Variants in GIT2 observed in about 807,000 individuals in gnomAD.
GIT2 encodes the protein GIT ArfGAP 2, also known as ARF GTPase-activating protein GIT2.
In GIT2, 32 loss-of-function variants were observed where a neutral mutation model predicts 100.3. That is an observed-to-expected ratio of 0.32 (90% CI 0.24 to 0.43). The LOEUF is 0.43. GIT2 is among the 20% of genes least tolerant of loss of function. The pLI is 1.00. For missense variants in GIT2, 737 were observed against 975.1 expected (o/e 0.76, Z 3.25); for synonymous variants, 353 against 364.1 (o/e 0.97, Z 0.35).
intron 7 of GIT2, among the ~76,000 whole-genome samples, chr12:109,972,060 T>C (rs1008125396): frequency 6.6e-6 from 1 of 152,120 alleles, no homozygotes; most frequent in Non-Finnish European, 1.5e-5. Flanking sequence ...ATTCTTGCAA[T>C]CTTGTTTAAC....
At position 109,953,091 on chromosome 12, in the gene GIT2, CCTT is replaced by C; in HGVS notation, c.1240_1242del (p.Lys414del). ...CTTCCATGGGACGCATGGCCTCTCA[CCTT>C]CTGCCGGTTTGTTTTGCTTGCAGTG... On this transcript the variant is annotated inframe_deletion and splice_region_variant, in exon 13 of 20. Coordinates refer to ENST00000355312, the MANE Select transcript of GIT2 (RefSeq NM_057169.5). 1 of 1,614,136 alleles carries C rather than the reference CCTT, an allele frequency of 6.2e-7. No homozygotes were observed. Among genetic ancestry groups the C allele is most frequent in the Non-Finnish European group, 8.5e-7 (1 of 1,180,018 alleles).
At chr12:109,963,938 T>C (rs557195391) in intron 9 of GIT2, among the ~76,000 whole-genome samples, 5 of 152,312 alleles carry the variant, frequency 3.3e-5, no homozygotes, top group Admixed American at 1.3e-4. Flanking sequence ...CTGAGATATG[T>C]ACTGACCAGT....
intron 6 of GIT2, chr12:109,982,593 G>A (rs1454286717): frequency 1.3e-5 from 2 of 151,124 alleles, no homozygotes; most frequent in South Asian, 2.1e-4. Flanking sequence ...TATTTTTCAA[G>A]GACTTTATTA....
At chr12:109,961,771 T>C (rs1565971863) in intron 9 of GIT2, 86 bp from the exon 10 acceptor site, 3 of 802,458 alleles carry the variant, frequency 3.7e-6, no homozygotes, top group Non-Finnish European at 6.6e-6. Flanking sequence ...CACCCTTTTA[T>C]TGCCTACGTC....
chr12:109,996,931 G>C (rs959589007), upstream of GIT2, among the ~76,000 whole-genome samples: 1 of 151,966 alleles, frequency 6.6e-6, no homozygotes, highest in Non-Finnish European at 1.5e-5. Flanking sequence ...ACAAAAATTG[G>C]CCGGGCGCGG....
intron 14 of GIT2, chr12:109,950,915 C>G (rs1360636311): frequency 2.2e-6 from 1 of 452,052 alleles, no homozygotes; most frequent in Non-Finnish European, 4.1e-6. Context: ...CAGAATAGTC[C>G]AAGGGTTATT....
chr12:109,981,122 C>G, intron 6 of GIT2, 76 bp from the exon 7 acceptor site: 2 of 895,108 alleles, frequency 2.2e-6, no homozygotes, highest in Non-Finnish European at 3.8e-6. Context: ...AAGACGTCTC[C>G]TGAGACACCT....
chr12:109,939,727 A>AAATAAATC (rs1191311766), intron 16 of GIT2: 23 of 145,166 alleles, frequency 1.6e-4, no homozygotes, highest in South Asian at 6.4e-4. Context: ...ATAAATAAAT[A>AAATAAATC]AATCAGCCAG....
In GIT2 at chr12:109,939,223, T is replaced by G; in HGVS notation, c.1756A>C (p.Ser586Arg). Reference sequence around the variant, plus strand: ...TTGTCGTAGTCACTCTCAGGTGTGCTGTTCTGCTTCTCCAGCCTGGATGCC... The same window carrying G: ...TTGTCGTAGTCACTCTCAGGTGTGCGGTTCTGCTTCTCCAGCCTGGATGCC... ...RRASRLEKQN[S>R]TPESDYDNTP... Residue 586 changes from serine to arginine, a missense_variant, in exon 17 of 20, where the codon AGC becomes CGC. By Grantham distance (110) the Ser-to-Arg change is moderately radical (BLOSUM62 -1). Around this residue, in one of 3 missense-constraint regions of GIT2, gnomAD observed 451 missense variants for 543.7 expected, o/e 0.83. Transcript: ENST00000355312. 6.2e-7 allele frequency: 1 copy of G among 1,609,204 alleles called. No homozygotes were observed.
intron 14 of GIT2, among the ~76,000 whole-genome samples, chr12:109,949,405 C>T (rs573966623): frequency 1.3e-5 from 2 of 152,336 alleles, no homozygotes; most frequent in South Asian, 4.1e-4. Flanking sequence ...TATCCTAACA[C>T]TTTTCATGCC....
At chr12:109,953,307 T>C in intron 12 of GIT2, 73 bp from the exon 13 acceptor site, 2 of 1,519,234 alleles carry the variant, frequency 1.3e-6, no homozygotes, top group East Asian at 2.3e-5. Context: ...ACGGAGAGGA[T>C]TTTTTGGTTT....
chr12:109,991,309 C>CAAA (rs748628189), intron 2 of GIT2, among the ~76,000 whole-genome samples: 2 of 76,578 alleles, frequency 2.6e-5, no homozygotes, highest in Non-Finnish European at 2.8e-5. Flanking sequence ...GAGTCCGTCT[C>CAAA]AAAAAAAAAA....
intron 1 of GIT2, among the ~76,000 whole-genome samples, chr12:109,993,105 A>T (rs1888724120): frequency 6.6e-6 from 1 of 152,136 alleles, no homozygotes; most frequent in East Asian, 1.9e-4. Flanking sequence ...TAGTGTGTGT[A>T]TAATACTTTT....
intron 12 of GIT2, among the ~76,000 whole-genome samples, chr12:109,957,971 G>A (rs1020746618): frequency 6.6e-6 from 1 of 150,856 alleles, no homozygotes; most frequent in Non-Finnish European, 1.5e-5. Flanking sequence ...TTGAAAAGGA[G>A]TATTGCTCTG....
chr12:109,951,340 T>C (rs1430614865), intron 13 of GIT2, 24 bp from the exon 14 acceptor site: 1 of 1,586,490 alleles, frequency 6.3e-7, no homozygotes, highest in Middle Eastern at 1.7e-4. Context: ...GGGAAAACGT[T>C]CACAATCTGA....
chr12:109,967,299 T>C (rs780661051), intron 8 of GIT2, 159 bp downstream of exon 8: 43 of 1,584,956 alleles, frequency 2.7e-5, no homozygotes, highest in Non-Finnish European at 3.4e-5. Flanking sequence ...AAGTTTTATA[T>C]AGTGGTTTAC....
chr12:109,938,597 C>G (rs780616860), intron 17 of GIT2, 29 bp from the exon 18 acceptor site: 3 of 1,521,120 alleles, frequency 2.0e-6, no homozygotes, highest in Non-Finnish European at 2.7e-6. Context: ...CAGTTAAATA[C>G]AGCAGGTGCT....
At chr12:109,954,297 CAA>C (rs1243715265) in intron 12 of GIT2, 6 of 112,798 alleles carry the variant, frequency 5.3e-5, no homozygotes, top group Non-Finnish European at 7.5e-5. Flanking sequence ...GACTCCGTCT[CAA>C]AAAAAAAAAA....
chr12:109,952,800 C>G, intron 13 of GIT2: 1 of 486,340 alleles, frequency 2.1e-6, no homozygotes, highest in Non-Finnish European at 3.8e-6. Context: ...GAGAGCCTCA[C>G]AGGAAAGGGA....
Sources: allele counts gnomAD v4.1 joint callset (sites outside exome capture counted in the v4.1 genomes callset), GRCh38; gene constraint gnomAD v4.1.1; regional missense constraint gnomAD v4.1.1; transcripts MANE v1.5; gene names NCBI Gene and HGNC (gene_info 2026-07-23, HGNC 2026-07-21).